SUMO2: variants seen among roughly 807,000 people sequenced by gnomAD.
The protein encoded by SUMO2 is small ubiquitin like modifier 2.
In SUMO2, 1 loss-of-function variant was observed where a neutral mutation model predicts 16.0. The observed-to-expected ratio is 0.06, with a 90% CI of 0.02 to 0.30. The LOEUF is 0.30. Among genes scored for constraint, SUMO2 ranks in the 10% least tolerant of loss-of-function variants. SUMO2 has a pLI of 1.00. For synonymous variants in SUMO2, 36 were observed against 40.6 expected (o/e 0.89, Z 0.43); for missense variants, 16 against 117.5 (o/e 0.14, Z 3.99).
intron 2 of SUMO2, among the ~76,000 whole-genome samples, chr17:75,179,514 C>T (rs183249915): frequency 2.3e-5 from 3 of 128,688 alleles, no homozygotes; most frequent in Non-Finnish European, 4.7e-5. Flanking sequence ...GACAACAGAG[C>T]GAGACTCTGT....
intron 3 of SUMO2, 51 bp downstream of exon 3, chr17:75,174,701 G>T: frequency 6.5e-7 from 1 of 1,536,006 alleles, no homozygotes; most frequent in Non-Finnish European, 8.9e-7. Context: ...AAACACAGCT[G>T]TTCAAAGAAT....
intron 1 of SUMO2, among the ~76,000 whole-genome samples, chr17:75,181,595 T>G (rs1022163991): frequency 1.3e-5 from 2 of 151,956 alleles, no homozygotes; most frequent in South Asian, 4.2e-4. Flanking sequence ...AACAAAACAA[T>G]AAATCTACAG....
chr17:75,182,609 A>G, intron 1 of SUMO2: 1 of 325,714 alleles, frequency 3.1e-6, no homozygotes, highest in Non-Finnish European at 5.3e-6. Flanking sequence ...CGGGGGCGGG[A>G]GAGAGCGGCG....
chr17:75,181,736 G>C (rs549367838), intron 1 of SUMO2, among the ~76,000 whole-genome samples: 1 of 151,768 alleles, frequency 6.6e-6, no homozygotes, highest in East Asian at 1.9e-4. Context: ...GATTCCCCCC[G>C]GAACAGCGGT....
intron 2 of SUMO2, among the ~76,000 whole-genome samples, chr17:75,179,135 G>A (rs898312675): frequency 6.6e-6 from 1 of 152,102 alleles, no homozygotes; most frequent in African/African-American, 2.4e-5. Flanking sequence ...ATCCTGAAGG[G>A]GCACTAGTGT....
intron 1 of SUMO2, chr17:75,182,545 G>C (rs2074837612): frequency 7.3e-6 from 2 of 272,660 alleles, no homozygotes; most frequent in South Asian, 1.7e-4. Flanking sequence ...GTGGGTCCGC[G>C]GGCGTCCGCT....
rs976511033 is a variant in SUMO2 at position 75,170,415 on chromosome 17, C to T, written c.226-2014G>A. On this transcript the variant is annotated intron_variant, in intron 3 of 3. Coordinates refer to ENST00000420826, the MANE Select transcript of SUMO2 (RefSeq NM_006937.4). ...TGAAACCCTGTTTCTACCAAAAATA[C>T]AAAAATTAGCTGGGTGTGGTTGCGC... Among the ~76,000 whole-genome samples, 3 of 149,500 alleles carry T rather than the reference C, an allele frequency of 2.0e-5. No individual in the cohort carries two copies. In the East Asian group the frequency reaches 6.1e-4, roughly 30 times the overall value.
chr17:75,174,909 T>C (rs987065494), intron 2 of SUMO2, 86 bp from the exon 3 acceptor site: 3 of 1,164,758 alleles, frequency 2.6e-6, no homozygotes, highest in African/African-American at 1.6e-5. Context: ...TAACCATGAA[T>C]ATATTAAAGA....
At chr17:75,181,267 T>C in intron 1 of SUMO2, 79 bp from the exon 2 acceptor site, 3 of 1,479,694 alleles carry the variant, frequency 2.0e-6, no homozygotes, top group Non-Finnish European at 2.8e-6. Context: ...CAGCCCTAGT[T>C]GCTTCAAAAA....
At position 75,182,797 on chromosome 17, in the gene SUMO2, G is replaced by A. The variant is rs1415392685; in HGVS notation, c.21+17C>T. The A allele has an allele frequency of 5.8e-6, 8 of 1,376,174 alleles. No individual in the cohort carries two copies. Among genetic ancestry groups the A allele is most frequent in the Non-Finnish European group, 7.6e-6 (8 of 1,057,102 alleles). The allele number at this position is 1,376,174 out of a possible 1,614,324, so 85.2% of individuals were successfully genotyped here. On this transcript the variant is annotated intron_variant, in intron 1 of 3. Coordinates refer to ENST00000420826, the MANE Select transcript of SUMO2 (RefSeq NM_006937.4). ...CCCCACCGCGCGGCGAGGCGAAGGG[G>A]CCGGCGGCGAGCTCACCTTGGGCTT...
At chr17:75,179,803 C>T (rs777470882) in intron 2 of SUMO2, among the ~76,000 whole-genome samples, 52 of 151,876 alleles carry the variant, frequency 3.4e-4, no homozygotes, top group Non-Finnish European at 6.2e-4. Context: ...GGATTATGCG[C>T]GTGTAACACC....
chr17:75,180,409 A>C (rs1031183275), intron 2 of SUMO2, among the ~76,000 whole-genome samples: 7 of 145,058 alleles, frequency 4.8e-5, no homozygotes, highest in African/African-American at 1.5e-4. Flanking sequence ...AAAAAAAAAA[A>C]AAAAAAAAAA....
chr17:75,170,502 G>A (rs2074728702), intron 3 of SUMO2, among the ~76,000 whole-genome samples: 1 of 152,110 alleles, frequency 6.6e-6, no homozygotes, highest in Admixed American at 6.6e-5. Context: ...CCCGTGAAGT[G>A]GAGGTTACAG....
chr17:75,181,042 A>AT lies in SUMO2; in HGVS notation c.153+14dup, dbSNP rs1378506566. 3.7e-6 allele frequency: 6 copies of AT among 1,613,664 alleles called. No individual in the cohort carries two copies. In the Middle Eastern group the frequency reaches 5.0e-4, roughly 134 times the overall value. On this transcript the variant is annotated intron_variant, in intron 2 of 3. Coordinates refer to ENST00000420826, the MANE Select transcript of SUMO2 (RefSeq NM_006937.4). ...ATAGTTTTATTCAGTGGAAGTACAC[A>AT]TATGAATTCCTCACCTGTCGTTCAC...
At chr17:75,174,919 A>T in intron 2 of SUMO2, 96 bp from the exon 3 acceptor site, 1 of 1,023,878 alleles carries the variant, frequency 9.8e-7, no homozygotes, top group Admixed American at 2.6e-5. Context: ...TATATTAAAG[A>T]AATACCTAAA....
At chr17:75,179,927 G>A (rs561713808) in intron 2 of SUMO2, among the ~76,000 whole-genome samples, 61 of 152,224 alleles carry the variant, frequency 4.0e-4, no homozygotes, top group Admixed American at 7.9e-4. Context: ...TTACAGATAT[G>A]AGCCACTGCA....
chr17:75,182,206 C>T (rs1276671332), intron 1 of SUMO2, among the ~76,000 whole-genome samples: 2 of 152,214 alleles, frequency 1.3e-5, no homozygotes, highest in Admixed American at 1.3e-4. Flanking sequence ...CCCCTTCGGG[C>T]CCCTGAGGCT....
chr17:75,181,638 A>T (rs1400366291), intron 1 of SUMO2, among the ~76,000 whole-genome samples: 1 of 152,186 alleles, frequency 6.6e-6, no homozygotes, highest in African/African-American at 2.4e-5. Flanking sequence ...CGTTGTCATT[A>T]AAAAGTTACC....
intron 1 of SUMO2, among the ~76,000 whole-genome samples, chr17:75,181,662 T>C (rs1330718968): frequency 6.6e-6 from 1 of 152,170 alleles, no homozygotes; most frequent in Non-Finnish European, 1.5e-5. Flanking sequence ...CTCAGTTTAA[T>C]AACCTAAATC....
Sources: allele counts gnomAD v4.1 joint callset (sites outside exome capture counted in the v4.1 genomes callset), GRCh38; gene constraint gnomAD v4.1.1; transcripts MANE v1.5; gene names NCBI Gene and HGNC (gene_info 2026-07-23, HGNC 2026-07-21).